The following TAOK2 variants were observed in gnomAD, a reference collection of about 807,000 sequenced individuals.
TAOK2 encodes serine/threonine-protein kinase TAO2.
TAOK2 carries 42 observed loss-of-function variants against 122.5 expected under a neutral mutation model. The observed-to-expected ratio is 0.34, with a 90% CI of 0.27 to 0.44. The LOEUF (loss-of-function observed/expected upper bound fraction) is 0.44, where lower values mean the gene tolerates loss of function less well. Ranked by LOEUF, TAOK2 falls within the 20% of genes least tolerant of loss-of-function variation. TAOK2 has a pLI of 1.00. For missense variants in TAOK2, 1,264 were observed against 1,644.9 expected (o/e 0.77, Z 4.01); for synonymous variants, 704 against 677.6 (o/e 1.04, Z -0.61).
At chr16:29,977,452 A>G (rs1274284029) in intron 1 of TAOK2, among the ~76,000 whole-genome samples, 2 of 152,156 alleles carry the variant, frequency 1.3e-5, no homozygotes, top group Admixed American at 6.5e-5. Flanking sequence ...GCTATAGGGA[A>G]ATGAGAACTT....
At chr16:29,990,778 C>T (rs571235042), downstream of TAOK2, 82 of 1,600,686 alleles carry the variant, frequency 5.1e-5, no homozygotes, top group South Asian at 8.4e-4. Context: ...TGTTCATCTT[C>T]CCCAGCTGCG....
chr16:29,991,257 C>G, downstream of TAOK2: 2 of 1,612,088 alleles, frequency 1.2e-6, no homozygotes, highest in Non-Finnish European at 8.5e-7. The surrounding 1 kb of genome is among the most constrained non-coding windows in gnomAD (Gnocchi z 5.6). Flanking sequence ...CCGTCCCGTT[C>G]CCCGTTCTGG....
In TAOK2 at chr16:29,983,486, C is replaced by T; in HGVS notation, c.1261-17C>T. 2 of 1,596,668 alleles carry T rather than the reference C, an allele frequency of 1.3e-6. No homozygotes were observed. The highest frequency in any genetic ancestry group is 1.7e-6 in the Non-Finnish European group (2 of 1,167,932). ...AGTGGCCTCTGAGCCTTGGGTGTTC[C>T]TTCTATCTCCCTCTAGGGCTCTGAC... is the stretch of plus-strand genomic sequence containing the variant. On this transcript the variant is annotated splice_polypyrimidine_tract_variant and intron_variant, in intron 12 of 15. Coordinates refer to ENST00000308893, the MANE Select transcript of TAOK2 (RefSeq NM_016151.4).
At chr16:29,976,128 C>T (rs2069446385) in intron 1 of TAOK2, among the ~76,000 whole-genome samples, 1 of 152,172 alleles carries the variant, frequency 6.6e-6, no homozygotes, top group Non-Finnish European at 1.5e-5. Context: ...GGCACCCCTC[C>T]GTGTGGCCTA....
Position 29,986,734 on chromosome 16 carries a change from C to T in TAOK2, c.2462C>T (p.Ser821Leu), listed in dbSNP as rs558241184. 4.9e-5 allele frequency: 79 copies of T among 1,614,058 alleles called. No individual in the cohort carries two copies. In the East Asian group the frequency reaches 1.6e-3, roughly 32 times the overall value. ...CAGCAGAGGATTCTGGGGGAAGAAT[C>T]AGGAGCCCCTAGTCCCAGTCCACAA... ...PKQQRILGEE[S>L]GAPSPSPQKH... Residue 821 changes from serine (S) to leucine (L), a missense_variant, in exon 16 of 16, where the codon TCA becomes TTA. Transcript: ENST00000308893. This position sits in a 1 kb window ranked among gnomAD's most constrained non-coding sequence, Gnocchi z 4.2.
intron 8 of TAOK2, chr16:29,981,047 T>C (rs2069596245): frequency 6.5e-6 from 1 of 154,372 alleles, no homozygotes; most frequent in Non-Finnish European, 1.4e-5. Context: ...AAATCACCGT[T>C]TAGGCCAAAA....
rs780878586 is a variant in TAOK2, at chr16:29,986,635, T to C, written c.2363T>C (p.Met788Thr). 1.2e-5 allele frequency: 19 copies of C among 1,611,740 alleles called. No individual in the cohort carries two copies. The highest frequency in any genetic ancestry group is 1.4e-5 in the Non-Finnish European group (16 of 1,179,152). Residue 788 changes from methionine (M) to threonine (T), a missense_variant, in exon 16 of 16, where the codon ATG becomes ACG. Transcript: ENST00000308893. This position sits in a 1 kb window ranked among gnomAD's most constrained non-coding sequence, Gnocchi z 4.2. Reference sequence around the variant, plus strand: ...CAGGAGGCAGTCCTGGACCAAAGAATGCTTGGCGAGGAGGAGGAAGCAGTT... The same window carrying C: ...CAGGAGGCAGTCCTGGACCAAAGAACGCTTGGCGAGGAGGAGGAAGCAGTT... The part of the protein sequence containing the change: ...PGQEAVLDQR[M>T]LGEEEEAVGE...
At position 29,987,294 on chromosome 16, in the gene TAOK2, A is replaced by T; in HGVS notation, c.3022A>T (p.Thr1008Ser). 6.6e-7 allele frequency: 1 copy of T among 1,521,542 alleles called. No homozygotes were observed. Among genetic ancestry groups the T allele is most frequent in the Non-Finnish European group, 8.8e-7 (1 of 1,137,158 alleles). 94.3% of individuals were successfully genotyped at this position (1,521,542 alleles called of 1,614,324 possible). Residue 1008 changes from threonine to serine, a missense_variant, in exon 16 of 16, where the codon ACA (threonine) becomes TCA (serine). By Grantham distance (58) the Thr-to-Ser change is moderately conservative (BLOSUM62 1). Coordinates refer to ENST00000308893, the MANE Select transcript of TAOK2 (RefSeq NM_016151.4). ...GGGGGCCTCCTACCTGCTCCTTTGT[A>T]CAGCCCTGCACCTGCCCTCCAGTCT... is the stretch of plus-strand genomic sequence containing the variant. Reference protein sequence around the residue: ...GLGASYLLLCTALHLPSSLFL... With the variant: ...GLGASYLLLCSALHLPSSLFL...
At chr16:29,989,702 A>G (rs201912253), downstream of TAOK2, 339 of 1,613,994 alleles carry the variant, frequency 2.1e-4, no homozygotes, top group Non-Finnish European at 2.4e-4. Context: ...AAAGCTCAGC[A>G]CAAGAGCCTC....
chr16:29,987,925 T>C lies in TAOK2; in HGVS notation c.3653T>C (p.Leu1218Pro). The change falls in exon 16 of 16, where the codon CTA (leucine) becomes CCA (proline). Residue 1218 changes from leucine (L) to proline (P), a missense_variant. Leu to Pro is a moderately conservative substitution (Grantham distance 98, BLOSUM62 -3). Coordinates refer to ENST00000308893, the MANE Select transcript of TAOK2 (RefSeq NM_016151.4). ...PASRQPLPGT[L>P]AGRRSRTRQS... is the part of the protein sequence containing the mutation. ...TCCCGCCAGCCACTGCCAGGGACTCTAGCCGGGCGGAGGTCACGCACCCGC... is the reference window on the plus strand; with the variant it reads ...TCCCGCCAGCCACTGCCAGGGACTCCAGCCGGGCGGAGGTCACGCACCCGC... 1 of 1,555,130 alleles carries C rather than the reference T, an allele frequency of 6.4e-7. No homozygotes were observed.
chr16:29,982,996 A>T, intron 11 of TAOK2, 76 bp from the exon 12 acceptor site: 2 of 1,604,372 alleles, frequency 1.2e-6, no homozygotes, highest in Non-Finnish European at 1.7e-6. Flanking sequence ...TCACACCACC[A>T]TCTTCCCATG....
Position 29,988,295 on chromosome 16 carries a change from C to A in TAOK2, c.*315C>A. ...GGGTGGGAAGAGTCATGTTTTTTTT[C>A]TCCTCTTTGATTTTGTTTTTCTGTC... On this transcript the variant is annotated 3_prime_UTR_variant, in exon 16 of 16. Transcript: ENST00000308893. The A allele has an allele frequency of 6.9e-7, 1 of 1,452,196 alleles. No homozygotes were observed. Among genetic ancestry groups the A allele is most frequent in the Non-Finnish European group, 9.1e-7 (1 of 1,100,100 alleles). The allele number at this position is 1,452,196 out of a possible 1,614,324, so 90.0% of individuals were successfully genotyped here. A position where few individuals can be genotyped will look rare whatever the true frequency, so the allele number is the denominator to read the frequency against.
chr16:29,990,620 T>C (rs1253053677), downstream of TAOK2: 2 of 588,802 alleles, frequency 3.4e-6, no homozygotes, highest in Non-Finnish European at 5.6e-6. Flanking sequence ...GGGGGATAGA[T>C]TCTGCAGTGT....
At position 29,983,761 on chromosome 16, in the gene TAOK2, C is replaced by T. The variant is rs926701607; in HGVS notation, c.1422+97C>T. 6.6e-6 allele frequency: 10 copies of T among 1,504,762 alleles called. No individual in the cohort carries two copies. The African/African-American group carries it at 1.2e-4, about 19-fold the overall frequency. The allele number at this position is 1,504,762 out of a possible 1,614,324, so 93.2% of individuals were successfully genotyped here. A position where few individuals can be genotyped will look rare whatever the true frequency, so the allele number is the denominator to read the frequency against. ...TCCTCCCTGTGGCATGGGATTGAGTCTGGATTCTACCCTCATTTTCTGTTG... is the reference window on the plus strand; with the variant it reads ...TCCTCCCTGTGGCATGGGATTGAGTTTGGATTCTACCCTCATTTTCTGTTG... On this transcript the variant is annotated intron_variant, in intron 13 of 15. Transcript: ENST00000308893.
chr16:29,991,544 T>C, downstream of TAOK2: 1 of 1,483,394 alleles, frequency 6.7e-7, no homozygotes, highest in Non-Finnish European at 8.9e-7. This position sits in a 1 kb window ranked among gnomAD's most constrained non-coding sequence, Gnocchi z 5.6. Context: ...ACATCCTCAA[T>C]GGTTCTTCCC....
chr16:29,976,619 C>A (rs2069463272), intron 1 of TAOK2, among the ~76,000 whole-genome samples: 1 of 152,174 alleles, frequency 6.6e-6, no homozygotes, highest in Non-Finnish European at 1.5e-5. Flanking sequence ...TTCTGGTATC[C>A]TGCAGGAACT....
intron 1 of TAOK2, among the ~76,000 whole-genome samples, chr16:29,976,807 C>T (rs1286382654): frequency 6.6e-6 from 1 of 152,086 alleles, no homozygotes; most frequent in South Asian, 2.1e-4. Flanking sequence ...CCTTTTTCTT[C>T]TCTGTGCCTC....
rs141485756 is a variant in TAOK2 at position 29,985,760 on chromosome 16, C to T, written c.1891C>T (p.Leu631=). ...QQCQAEEEAG[L]LRRQRQYFEL... Reference sequence around the variant, plus strand: ...GTGCCAGGCGGAGGAGGAAGCAGGGCTGCTGCGGCGGCAGCGCCAGTACTT... The same window carrying T: ...GTGCCAGGCGGAGGAGGAAGCAGGGTTGCTGCGGCGGCAGCGCCAGTACTT... Residue 631 remains leucine, a synonymous_variant, in exon 15 of 16, where the codon CTG becomes TTG. Transcript: ENST00000308893. The surrounding 1 kb of genome is among the most constrained non-coding windows in gnomAD (Gnocchi z 6.9). The T allele has an allele frequency of 3.7e-6, 6 of 1,611,578 alleles. No homozygotes were observed. In the African/African-American group the frequency reaches 5.3e-5, roughly 14 times the overall value.
In TAOK2 at chr16:29,986,939, G is replaced by T. The variant is rs1430613115; in HGVS notation, c.2667G>T (p.Trp889Cys). ...TGGATGAGGAGTTTGAGCTTGGCTGGGTCCAGGGCCCAGCACTGACTCCCG... is the reference window on the plus strand; with the variant it reads ...TGGATGAGGAGTTTGAGCTTGGCTGTGTCCAGGGCCCAGCACTGACTCCCG... ...SLLDEEFELG[W>C]VQGPALTPVP... The change falls in exon 16 of 16, where the codon TGG becomes TGT. Residue 889 changes from tryptophan (W) to cysteine (C), a missense_variant. Trp to Cys is a radical substitution (Grantham distance 215). This residue lies in a region of TAOK2 where 824 missense variants were observed against 908.7 expected (regional missense o/e 0.91). Coordinates refer to ENST00000308893, the MANE Select transcript of TAOK2 (RefSeq NM_016151.4). The surrounding 1 kb of genome is among the most constrained non-coding windows in gnomAD (Gnocchi z 4.2). 1 of 1,613,954 alleles carries T rather than the reference G, an allele frequency of 6.2e-7. No homozygotes were observed. The highest frequency in any genetic ancestry group is 1.7e-5 in the Admixed American group (1 of 59,998).
Sources: allele counts gnomAD v4.1 joint callset (sites outside exome capture counted in the v4.1 genomes callset), GRCh38; gene constraint gnomAD v4.1.1; regional missense constraint gnomAD v4.1.1; non-coding constraint Gnocchi (gnomAD v3.1); transcripts MANE v1.5; gene names NCBI Gene and HGNC (gene_info 2026-07-23, HGNC 2026-07-21).